NFIL3: variants seen among roughly 807,000 people sequenced by gnomAD.
The protein encoded by NFIL3 is nuclear factor interleukin-3-regulated protein.
A neutral mutation model predicts 10.0 loss-of-function variants in NFIL3; 5 were observed. That is an observed-to-expected ratio of 0.50 (90% CI 0.26 to 1.06). NFIL3 has a LOEUF of 1.06. Ranked by LOEUF, NFIL3 falls within the 50% of genes least tolerant of loss-of-function variation. The probability of loss-of-function intolerance (pLI) is 0.13; values close to 1 mark genes in which losing one functional copy is unlikely to be tolerated. For synonymous variants in NFIL3, 202 were observed against 206.5 expected (o/e 0.98, Z 0.19); for missense variants, 436 against 547.6 (o/e 0.80, Z 2.03).
chr9:91,470,152 T>A, the NFIL3 span, among the ~76,000 whole-genome samples: 1 of 151,694 alleles, frequency 6.6e-6, no homozygotes, highest in African/African-American at 2.4e-5. Flanking sequence ...CTGTGAATCC[T>A]TCTGGTCCTG....
the NFIL3 span, among the ~76,000 whole-genome samples, chr9:91,454,048 C>T: frequency 2.0e-5 from 3 of 151,570 alleles, no homozygotes; most frequent in Admixed American, 2.0e-4. Context: ...GTCTGGCCAA[C>T]AGGGTGAAAC....
At chr9:91,454,799 T>A in the NFIL3 span, among the ~76,000 whole-genome samples, 1 of 152,140 alleles carries the variant, frequency 6.6e-6, no homozygotes, top group Non-Finnish European at 1.5e-5. Context: ...GCCACTGCAC[T>A]CCAGCCTGGG....
the NFIL3 span, among the ~76,000 whole-genome samples, chr9:91,478,723 T>C: frequency 6.6e-5 from 10 of 152,234 alleles, no homozygotes; most frequent in South Asian, 2.1e-4. Context: ...AGAAAAGATG[T>C]TCTGTTTTTT....
At chr9:91,453,092 T>C in the NFIL3 span, among the ~76,000 whole-genome samples, 1 of 151,994 alleles carries the variant, frequency 6.6e-6, no homozygotes, top group African/African-American at 2.4e-5. Context: ...TGTCAGCAGG[T>C]TTGGTTCTTT....
chr9:91,471,579 T>C, the NFIL3 span, among the ~76,000 whole-genome samples: 1 of 151,834 alleles, frequency 6.6e-6, no homozygotes, highest in Non-Finnish European at 1.5e-5. Context: ...TTGTTACATA[T>C]GTATACATGT....
chr9:91,428,906 A>C, the NFIL3 span, among the ~76,000 whole-genome samples: 1 of 152,244 alleles, frequency 6.6e-6, no homozygotes, highest in African/African-American at 2.4e-5. Flanking sequence ...TTAACAAAAA[A>C]AGGTGGGTAG....
chr9:91,482,979 T>C, the NFIL3 span, among the ~76,000 whole-genome samples: 2 of 152,192 alleles, frequency 1.3e-5, no homozygotes, highest in South Asian at 2.1e-4. Flanking sequence ...CCTATCCACA[T>C]AAGGTTATGA....
chr9:91,410,470 T>G lies in NFIL3; in HGVS notation c.265A>C (p.Arg89=). The G allele has an allele frequency of 6.2e-7, 1 of 1,614,256 alleles. No individual in the cohort carries two copies. The highest frequency in any genetic ancestry group is 2.2e-5 in the East Asian group (1 of 44,894). The change falls in exon 2 of 2, where the codon AGA becomes CGA. Residue 89 remains arginine (R), a synonymous_variant. Transcript: ENST00000297689. This position sits in a 1 kb window ranked among gnomAD's most constrained non-coding sequence, Gnocchi z 5.7. ...KRRKNNEAAK[R]SREKRRLNDL... Reference sequence around the variant, plus strand: ...TTCAGTCGACGCTTCTCACGAGATCTTTTGGCAGCTTCATTATTTTTCCGC... The same window carrying G: ...TTCAGTCGACGCTTCTCACGAGATCGTTTGGCAGCTTCATTATTTTTCCGC...
At chr9:91,470,468 C>A in the NFIL3 span, among the ~76,000 whole-genome samples, 9 of 149,088 alleles carry the variant, frequency 6.0e-5, no homozygotes, top group African/African-American at 1.0e-4. Flanking sequence ...TTAAAAAAAA[C>A]CAGCTCCTGG....
At chr9:91,478,178 G>A in the NFIL3 span, among the ~76,000 whole-genome samples, 2 of 152,076 alleles carry the variant, frequency 1.3e-5, no homozygotes, top group Non-Finnish European at 2.9e-5. Flanking sequence ...TGTATTTCCT[G>A]AATCTGAATG....
chr9:91,454,408 A>G, the NFIL3 span, among the ~76,000 whole-genome samples: 2 of 151,910 alleles, frequency 1.3e-5, no homozygotes, highest in African/African-American at 2.4e-5. Context: ...AAAACACCGA[A>G]TTTTTGACTC....
chr9:91,425,666 T>A (rs1262551205), upstream of NFIL3, among the ~76,000 whole-genome samples: 1 of 152,250 alleles, frequency 6.6e-6, no homozygotes, highest in African/African-American at 2.4e-5. Flanking sequence ...TAATTCAAGA[T>A]GTGGTCTTAC....
At chr9:91,473,339 C>T in the NFIL3 span, among the ~76,000 whole-genome samples, 4 of 152,212 alleles carry the variant, frequency 2.6e-5, no homozygotes, top group East Asian at 5.8e-4. Flanking sequence ...AGGCAGTCCT[C>T]GTTGAGCTGT....
chr9:91,452,990 G>C, the NFIL3 span, among the ~76,000 whole-genome samples: 1 of 151,922 alleles, frequency 6.6e-6, no homozygotes, highest in South Asian at 2.1e-4. Flanking sequence ...AATTTTCTAG[G>C]GCTGTGATAA....
the NFIL3 span, among the ~76,000 whole-genome samples, chr9:91,440,020 T>C: frequency 6.6e-6 from 1 of 152,196 alleles, no homozygotes; most frequent in Non-Finnish European, 1.5e-5. Context: ...AAGATGATGC[T>C]TGCCTCATAA....
the NFIL3 span, among the ~76,000 whole-genome samples, chr9:91,459,030 T>G: frequency 0.17 from 25,293 of 152,132 alleles, 2,620 homozygotes; most frequent in East Asian, 0.4. Context: ...TGGTCAGGAC[T>G]AAGTGTTTCG....
At chr9:91,421,959 A>C (rs1833778789) in intron 1 of NFIL3, among the ~76,000 whole-genome samples, 1 of 152,220 alleles carries the variant, frequency 6.6e-6, no homozygotes, top group South Asian at 2.1e-4. Flanking sequence ...TCTTCACATA[A>C]GTAAAACCAG....
At chr9:91,460,822 A>T in the NFIL3 span, among the ~76,000 whole-genome samples, 2 of 152,204 alleles carry the variant, frequency 1.3e-5, no homozygotes, top group Non-Finnish European at 2.9e-5. Flanking sequence ...GGGTAAGTGC[A>T]TTGGGCACCC....
chr9:91,462,932 T>C, the NFIL3 span, among the ~76,000 whole-genome samples: 1 of 151,974 alleles, frequency 6.6e-6, no homozygotes, highest in African/African-American at 2.4e-5. Context: ...AGTTTATGTC[T>C]TTCAAGGAAT....
Sources: gnomAD v4.1 joint callset for allele counts (sites outside exome capture counted in the v4.1 genomes callset) on GRCh38, gnomAD v4.1.1 for gene constraint, Gnocchi (gnomAD v3.1) non-coding constraint, MANE v1.5 for transcripts, NCBI Gene and HGNC (gene_info 2026-07-23, HGNC 2026-07-21) for gene names.